TNFRSF10B: variants seen among roughly 807,000 people sequenced by gnomAD.
TNFRSF10B encodes TNF receptor superfamily member 10b.
A neutral mutation model predicts 41.4 loss-of-function variants in TNFRSF10B; 35 were observed. That is an observed-to-expected ratio of 0.85 (90% confidence interval 0.65 to 1.12). The LOEUF is 1.12. TNFRSF10B is among the 50% of genes most tolerant of loss of function. The pLI, the probability that TNFRSF10B is intolerant of heterozygous loss-of-function variation, is 0.00. For missense variants in TNFRSF10B, 584 were observed against 552.7 expected, an observed-to-expected ratio of 1.06 and a Z score of -0.57; for synonymous variants, 230 against 215.5, an observed-to-expected ratio of 1.07 and a Z score of -0.59.
At chr8:23,057,429 ATTT>A (rs201997985) in intron 1 of TNFRSF10B, among the ~76,000 whole-genome samples, 8 of 115,600 alleles carry the variant, frequency 6.9e-5, no homozygotes, top group Non-Finnish European at 8.9e-5. Flanking sequence ...GAATTCTGTA[ATTT>A]TTTTTTTTTT....
rs145025772 is a variant in TNFRSF10B, at chr8:23,061,603, T to C, written c.144+7148A>G. Among the ~76,000 whole-genome samples the C allele has an allele frequency of 1.1e-4, 16 of 152,314 alleles. No individual in the cohort carries two copies. In the Middle Eastern group the frequency reaches 0.01, roughly 97 times the overall value. On this transcript the variant is annotated intron_variant, in intron 1 of 8. Coordinates refer to ENST00000276431, the MANE Select transcript of TNFRSF10B (RefSeq NM_003842.5). ...TGGCAAAGGTGGGTAGATATCCTTA[T>C]GTTGTTCTTAATCTTAAAGGAAAAG...
chr8:23,020,908 C>T lies in TNFRSF10B; in HGVS notation c.*1763G>A, dbSNP rs749187990. The T allele has an allele frequency of 4.2e-5, 19 of 453,868 alleles. No homozygotes were observed. Among genetic ancestry groups the T allele is most frequent in the Non-Finnish European group, 7.5e-5 (17 of 226,776 alleles). The allele number at this position is 453,868 out of a possible 1,614,324, so 28.1% of individuals were successfully genotyped here. A position where few individuals can be genotyped will look rare whatever the true frequency, so the allele number is the denominator to read the frequency against. On this transcript the variant is annotated 3_prime_UTR_variant, in exon 9 of 9. Transcript: ENST00000276431. The stretch of plus-strand genomic sequence containing the variant: ...CCTTCCAGAAGTGCAGGGGACAACG[C>T]GTGGGATGCCAGATGGAAGTGGGAG...
At chr8:23,029,775 CCCTT>C (rs1811825806) in intron 3 of TNFRSF10B, 54 bp from the exon 4 acceptor site, 1 of 1,535,548 alleles carries the variant, frequency 6.5e-7, no homozygotes, top group African/African-American at 1.4e-5. Flanking sequence ...TGTCCCTTGA[CCCTT>C]CCTCCCCACC....
intron 1 of TNFRSF10B, among the ~76,000 whole-genome samples, chr8:23,067,425 C>CA (rs1813020438): frequency 6.7e-6 from 1 of 149,826 alleles, no homozygotes; most frequent in African/African-American, 2.5e-5. Flanking sequence ...GCCAAAAATC[C>CA]AAAAAATTCT....
At chr8:23,028,632 A>G in intron 4 of TNFRSF10B, 30 bp from the exon 5 acceptor site, 1 of 1,613,080 alleles carries the variant, frequency 6.2e-7, no homozygotes, top group South Asian at 1.1e-5. Context: ...GAGAGGGGGG[A>G]CTCTTGATGG....
intron 1 of TNFRSF10B, among the ~76,000 whole-genome samples, chr8:23,064,115 T>C (rs757542988): frequency 1.8e-4 from 27 of 152,352 alleles, no homozygotes; most frequent in East Asian, 3.9e-4. Flanking sequence ...TCACAGGAGC[T>C]GAGGCACAGC....
intron 2 of TNFRSF10B, among the ~76,000 whole-genome samples, chr8:23,041,461 G>C (rs530739320): frequency 6.6e-6 from 1 of 152,238 alleles, no homozygotes; most frequent in South Asian, 2.1e-4. Context: ...GAGCCCAAGT[G>C]GTTGAGGCTA....
rs140256966 is a variant in TNFRSF10B at position 23,028,318 on chromosome 8, A to T, written c.748+13T>A. The stretch of plus-strand genomic sequence containing the variant: ...GAGAGTGCCCTGTGCCCCCGCCCTC[A>T]GCCAGCACCTACCTGAGCAGATGCC... On this transcript the variant is annotated intron_variant, in intron 5 of 8. Transcript: ENST00000276431. 1.8e-3 allele frequency: 2,864 copies of T among 1,613,960 alleles called. 42 individuals carry two copies. The African/African-American group carries it at 0.03, about 17-fold the overall frequency.
chr8:23,062,601 T>G (rs1394006897), intron 1 of TNFRSF10B, among the ~76,000 whole-genome samples: 1 of 152,264 alleles, frequency 6.6e-6, no homozygotes, highest in Non-Finnish European at 1.5e-5. Context: ...GTTTGGTTCA[T>G]TCTTTTTCTA....
At chr8:23,049,706 C>T (rs1812464281) in intron 1 of TNFRSF10B, 1 of 152,198 alleles carries the variant, frequency 6.6e-6, no homozygotes, top group African/African-American at 2.4e-5. Context: ...CTCCTTGTAA[C>T]CAGTTACAGA....
Position 23,021,765 on chromosome 8 carries a change from T to A in TNFRSF10B, c.*906A>T. ...TCAAAAGACTGGCCCCTGTAGAAGT[T>A]GCCAATCATTGAAGCCAAAGTACAT... is the stretch of plus-strand genomic sequence containing the variant. On this transcript the variant is annotated 3_prime_UTR_variant, in exon 9 of 9. Coordinates refer to ENST00000276431, the MANE Select transcript of TNFRSF10B (RefSeq NM_003842.5). 2.2e-6 allele frequency: 1 copy of A among 454,150 alleles called. No homozygotes were observed. Among genetic ancestry groups the A allele is most frequent in the Non-Finnish European group, 4.4e-6 (1 of 226,796 alleles). 28.1% of individuals were successfully genotyped at this position (454,150 alleles called of 1,614,324 possible). A position where few individuals can be genotyped will look rare whatever the true frequency, so the allele number is the denominator to read the frequency against.
chr8:23,026,702 C>T (rs975895247), intron 7 of TNFRSF10B, among the ~76,000 whole-genome samples: 3 of 152,162 alleles, frequency 2.0e-5, no homozygotes, highest in Non-Finnish European at 4.4e-5. Flanking sequence ...CTTTGTGCAT[C>T]GACTTGGAAT....
intron 1 of TNFRSF10B, 80 bp downstream of exon 1, chr8:23,068,671 C>T (rs1254090447): frequency 1.3e-6 from 2 of 1,514,992 alleles, no homozygotes; most frequent in South Asian, 2.4e-5. Flanking sequence ...CACGCACCCC[C>T]GCCGTGTCCC....
chr8:23,030,741 G>C lies in TNFRSF10B; in HGVS notation c.364+18C>G, dbSNP rs1408913663. The C allele has an allele frequency of 1.3e-6, 2 of 1,589,324 alleles. No individual in the cohort carries two copies. The highest frequency in any genetic ancestry group is 1.7e-6 in the Non-Finnish European group (2 of 1,160,646). ...CCCCGCATTCCACCTTTAGGCATGG[G>C]GTCCATATGTTCTGTACCTGAATCA... On this transcript the variant is annotated intron_variant, in intron 3 of 8. Transcript: ENST00000276431.
In TNFRSF10B at chr8:23,022,836, C is replaced by A. The variant is rs140398163; in HGVS notation, c.1158G>T (p.Leu386=). 6.2e-7 allele frequency: 1 copy of A among 1,614,078 alleles called. No homozygotes were observed. The part of the protein sequence containing the change: ...AGHRDTLYTM[L]IKWVNKTGRD... ...GCCCGGTTTTGTTGACCCACTTTATCAGCATCGTGTACAAGGTGTCCCTGT... is the reference window on the plus strand; with the variant it reads ...GCCCGGTTTTGTTGACCCACTTTATAAGCATCGTGTACAAGGTGTCCCTGT... The change falls in exon 9 of 9, where the codon CTG becomes CTT. Residue 386 remains leucine, a synonymous_variant. Coordinates refer to ENST00000276431, the MANE Select transcript of TNFRSF10B (RefSeq NM_003842.5).
intron 1 of TNFRSF10B, among the ~76,000 whole-genome samples, chr8:23,067,296 GAA>G (rs1281835609): frequency 6.6e-6 from 1 of 151,262 alleles, no homozygotes; most frequent in African/African-American, 2.4e-5. Context: ...TTTCTTTACA[GAA>G]AAGTCTCCAA....
chr8:23,039,621 A>G (rs1812113465), intron 2 of TNFRSF10B, among the ~76,000 whole-genome samples: 1 of 152,212 alleles, frequency 6.6e-6, no homozygotes, highest in African/African-American at 2.4e-5. Context: ...AGAAACATCT[A>G]GGATAATATT....
At chr8:23,041,605 A>T (rs1332973865) in intron 2 of TNFRSF10B, among the ~76,000 whole-genome samples, 11 of 97,490 alleles carry the variant, frequency 1.1e-4, no homozygotes, top group South Asian at 3.6e-4. Flanking sequence ...CAATGATTTA[A>T]AAAAAAAAAA....
rs1333797955 is a variant in TNFRSF10B, at chr8:23,022,276, G to T, written c.*395C>A. On this transcript the variant is annotated 3_prime_UTR_variant, in exon 9 of 9. Coordinates refer to ENST00000276431, the MANE Select transcript of TNFRSF10B (RefSeq NM_003842.5). Reference sequence around the variant, plus strand: ...TGCCCCGCACCCCCCACCCAAAAAAGGTTCATATCATATAGTATCAAGTGA... The same window carrying T: ...TGCCCCGCACCCCCCACCCAAAAAATGTTCATATCATATAGTATCAAGTGA... 2.2e-6 allele frequency: 1 copy of T among 454,786 alleles called. No individual in the cohort carries two copies. Among genetic ancestry groups the T allele is most frequent in the African/African-American group, 2.0e-5 (1 of 49,954 alleles). The allele number at this position is 454,786 out of a possible 1,614,324, so 28.2% of individuals were successfully genotyped here. A position where few individuals can be genotyped will look rare whatever the true frequency, so the allele number is the denominator to read the frequency against.
Sources: allele counts gnomAD v4.1 joint callset (sites outside exome capture counted in the v4.1 genomes callset), GRCh38; gene constraint gnomAD v4.1.1; transcripts MANE v1.5; gene names NCBI Gene and HGNC (gene_info 2026-07-23, HGNC 2026-07-21).